The following C1QBP variants were observed in gnomAD, a reference collection of about 807,000 sequenced individuals.
The protein encoded by C1QBP is complement C1q binding protein, also known as complement component 1 Q subcomponent-binding protein, mitochondrial.
Under a neutral mutation model 29.4 loss-of-function variants are expected in C1QBP, and 24 were observed. That is an observed-to-expected ratio of 0.82 (90% CI 0.59 to 1.15). The LOEUF is 1.15. Among genes scored for constraint, C1QBP ranks in the 50% most tolerant of loss-of-function variants. C1QBP has a pLI of 0.00. For missense variants in C1QBP, 337 were observed against 355.8 expected (o/e 0.95, Z 0.43); for synonymous variants, 182 against 149.2 (o/e 1.22, Z -1.60).
chr17:5,434,925 G>A lies in C1QBP; in HGVS notation c.425C>T (p.Thr142Ile). The part of the protein sequence containing the change: ...TFNINNSIPP[T>I]FDGEEEPSQG... ...CGAGGGTTCCTCCTCACCATCAAAT[G>A]TTGGTGGGATGCTGTTGTTAATGTT... is the stretch of plus-strand genomic sequence containing the variant. Residue 142 changes from threonine (T) to isoleucine (I), a missense_variant, in exon 3 of 6, where the codon ACA becomes ATA. By Grantham distance (89) the Thr-to-Ile change is moderately conservative. Transcript: ENST00000225698. The A allele has an allele frequency of 1.2e-6, 2 of 1,614,162 alleles. No homozygotes were observed. The highest frequency in any genetic ancestry group is 8.5e-7 in the Non-Finnish European group (1 of 1,180,008).
At position 5,434,464 on chromosome 17, in the gene C1QBP, C is replaced by T. The variant is rs7206959; in HGVS notation, c.477+409G>A. The stretch of plus-strand genomic sequence containing the variant: ...CTTATGCCCCTGCCATTCTCTCTCT[C>T]TTTTTTTTTTTTTTTTTTTTTTGAG... On this transcript the variant is annotated intron_variant, in intron 3 of 5. Coordinates refer to ENST00000225698, the MANE Select transcript of C1QBP (RefSeq NM_001212.4). 5.3e-3 allele frequency among the ~76,000 whole-genome samples: 519 copies of T among 97,858 alleles called. 6 individuals are homozygous for T. Among genetic ancestry groups the T allele is most frequent in the African/African-American group, 0.018 (435 of 24,506 alleles). 64.2% of individuals were successfully genotyped at this position (97,858 alleles called of 152,430 possible).
Position 5,434,874 on chromosome 17 carries a change from T to C in C1QBP, c.476A>G (p.Glu159Gly), listed in dbSNP as rs1232142510. The C allele has an allele frequency of 1.9e-6, 3 of 1,611,176 alleles. No homozygotes were observed. The African/African-American group carries it at 4.0e-5, about 22-fold the overall frequency. ...PSQGQKVEEQ[E>G]PELTSTPNFV... Reference sequence around the variant, plus strand: ...AAGCTGATTATAGTATTAGCTTACCTCCTGTTCTTCAACCTTCTGCCCTTG... The same window carrying C: ...AAGCTGATTATAGTATTAGCTTACCCCCTGTTCTTCAACCTTCTGCCCTTG... The change falls in exon 3 of 6, where the codon GAG becomes GGG. Residue 159 changes from glutamate to glycine, a missense_variant and splice_region_variant. By Grantham distance (98) the Glu-to-Gly change is moderately conservative. Coordinates refer to ENST00000225698, the MANE Select transcript of C1QBP (RefSeq NM_001212.4).
At position 5,433,362 on chromosome 17, in the gene C1QBP, G is replaced by A. The variant is rs750470200; in HGVS notation, c.630C>T (p.Ser210=). The A allele has an allele frequency of 3.7e-6, 6 of 1,614,018 alleles. No homozygotes were observed. Among genetic ancestry groups the A allele is most frequent in the Non-Finnish European group, 5.1e-6 (6 of 1,180,042 alleles). ...ESDIFSIREV[S]FQSTGESEWK... The stretch of plus-strand genomic sequence containing the variant: ...ATTCAGACTCGCCAGTGGACTGAAA[G>A]CTAACTTCCCTGATAGAGAAGATGT... The change falls in exon 5 of 6, where the codon AGC becomes AGT. Residue 210 remains serine, a synonymous_variant. Transcript: ENST00000225698.
chr17:5,434,462 CTCTT>C (rs1392680325), intron 3 of C1QBP, among the ~76,000 whole-genome samples: 17 of 108,132 alleles, frequency 1.6e-4, no homozygotes, highest in South Asian at 8.7e-4. Flanking sequence ...CATTCTCTCT[CTCTT>C]TTTTTTTTTT....
At chr17:5,433,549 C>T (rs796428415) in intron 4 of C1QBP, 120 bp downstream of exon 4, 2 of 1,514,576 alleles carry the variant, frequency 1.3e-6, no homozygotes, top group Admixed American at 1.7e-5. Flanking sequence ...CTCTCTCCCC[C>T]TGCTGGGCTG....
intron 1 of C1QBP, 133 bp from the exon 2 acceptor site, chr17:5,438,406 G>T: frequency 8.7e-7 from 1 of 1,151,308 alleles, no homozygotes; most frequent in Non-Finnish European, 1.2e-6. Context: ...CTAGAAGCCT[G>T]TTTCCTTATC....
Position 5,433,099 on chromosome 17 carries a change from C to T in C1QBP, c.765G>A (p.Glu255=). ...CCAGGGCTGTGCTGAGCTCCACCAG[C>T]TCATCTGCAAAAGTGTTGTCCACCC... ...DRGVDNTFAD[E]LVELSTALEH... Residue 255 remains glutamate, a synonymous_variant, in exon 6 of 6, where the codon GAG becomes GAA. Coordinates refer to ENST00000225698, the MANE Select transcript of C1QBP (RefSeq NM_001212.4). 1.2e-6 allele frequency: 2 copies of T among 1,614,164 alleles called. No individual in the cohort carries two copies. Among genetic ancestry groups the T allele is most frequent in the Non-Finnish European group, 1.7e-6 (2 of 1,180,042 alleles).
rs556979926 is a variant in C1QBP at position 5,436,044 on chromosome 17, GAAAAAAA to G, written c.384-1085_384-1079del. On this transcript the variant is annotated intron_variant, in intron 2 of 5. Coordinates refer to ENST00000225698, the MANE Select transcript of C1QBP (RefSeq NM_001212.4). ...CTGGAGACACAGCAAGACTCTGTCA[GAAAAAAA>G]AAAAAAAAAAAAAGAGTACATGAAG... is the stretch of plus-strand genomic sequence containing the variant. Among the ~76,000 whole-genome samples the G allele has an allele frequency of 4.7e-5, 4 of 85,314 alleles. 1 individual carries two copies. Among genetic ancestry groups the G allele is most frequent in the African/African-American group, 2.1e-4 (4 of 19,368 alleles). The allele number at this position is 85,314 out of a possible 152,430, so 56.0% of individuals were successfully genotyped here.
chr17:5,433,307 C>G lies in C1QBP; in HGVS notation c.685G>C (p.Asp229His). 2.5e-6 allele frequency: 4 copies of G among 1,614,070 alleles called. No individual in the cohort carries two copies. Among genetic ancestry groups the G allele is most frequent in the Non-Finnish European group, 3.4e-6 (4 of 1,180,046 alleles). Residue 229 changes from aspartate to histidine, a missense_variant, in exon 5 of 6, where the codon GAT (aspartate) becomes CAT (histidine). Physicochemically the swap from Asp to His is moderately conservative, Grantham distance 81. Coordinates refer to ENST00000225698, the MANE Select transcript of C1QBP (RefSeq NM_001212.4). ...WKDTNYTLNT[D>H]SLDWALYDHL... ...CAAGCACTCACCCAGTCCAAGGAAT[C>G]TGTGTTGAGTGTATAATTAGTATCC...
chr17:5,438,895 C>T lies in C1QBP; in HGVS notation c.179G>A (p.Arg60Gln), dbSNP rs1398816914. ...AGSERRPGLLRPRGPCACGCG... is the reference protein window; with the variant it reads ...AGSERRPGLLQPRGPCACGCG... ...GCCACAGGCGCAGGGTCCGCGAGGC[C>T]GCAGGAGGCCCGGCCGCCGCTCGGA... The change falls in exon 1 of 6, where the codon CGG becomes CAG. Residue 60 changes from arginine to glutamine, a missense_variant. Transcript: ENST00000225698. 2 of 1,540,508 alleles carry T rather than the reference C, an allele frequency of 1.3e-6. No individual in the cohort carries two copies. The highest frequency in any genetic ancestry group is 2.8e-5 in the African/African-American group (2 of 71,740).
At position 5,438,937 on chromosome 17, in the gene C1QBP, A is replaced by C. The variant is rs1916348153; in HGVS notation, c.137T>G (p.Leu46Arg). The change falls in exon 1 of 6, where the codon CTC becomes CGC. Residue 46 changes from leucine (L) to arginine (R), a missense_variant. Physicochemically the swap from Leu to Arg is moderately radical, Grantham distance 102 (BLOSUM62 -2). Transcript: ENST00000225698. ...PRLCTRPFGL[L>R]SVRAGSERRP... ...CCGCTCGGAACCTGCGCGCACGCTG[A>C]GCAGCCCGAAGGGCCGGGTGCACAG... 1 of 1,529,912 alleles carries C rather than the reference A, an allele frequency of 6.5e-7. No homozygotes were observed. The highest frequency in any genetic ancestry group is 2.6e-5 in the East Asian group (1 of 38,612). 94.8% of individuals were successfully genotyped at this position (1,529,912 alleles called of 1,614,324 possible).
intron 2 of C1QBP, 42 bp from the exon 3 acceptor site, chr17:5,435,008 G>C: frequency 6.5e-7 from 1 of 1,529,754 alleles, no homozygotes; most frequent in Non-Finnish European, 9.1e-7. Context: ...AACAGACAAG[G>C]CATGGTTTTA....
intron 1 of C1QBP, 22 bp from the exon 2 acceptor site, chr17:5,438,295 A>C (rs771923422): frequency 1.2e-6 from 2 of 1,609,468 alleles, no homozygotes; most frequent in South Asian, 2.2e-5. Flanking sequence ...ATCCAGATAC[A>C]TAAAAAGGAA....
chr17:5,434,516 G>A (rs879930141), intron 3 of C1QBP: 29 of 141,686 alleles, frequency 2.0e-4, no homozygotes, highest in Non-Finnish European at 3.3e-4. Flanking sequence ...TCGCCAGGCT[G>A]GAGTGCAGTG....
At chr17:5,438,315 G>A in intron 1 of C1QBP, 42 bp from the exon 2 acceptor site, 1 of 1,601,216 alleles carries the variant, frequency 6.2e-7, no homozygotes, top group Non-Finnish European at 8.5e-7. Flanking sequence ...AAGCCAGTTA[G>A]TCTAAAACAT....
intron 3 of C1QBP, 38 bp downstream of exon 3, chr17:5,434,835 C>G (rs778064196): frequency 1.3e-6 from 2 of 1,566,520 alleles, no homozygotes; most frequent in Non-Finnish European, 1.8e-6. Flanking sequence ...CACAGCCTGT[C>G]AGAACTGAGG....
At position 5,433,401 on chromosome 17, in the gene C1QBP, GTCT is replaced by G. The variant is rs1916162116; in HGVS notation, c.588_590del (p.Glu196del). On this transcript the variant is annotated inframe_deletion, in exon 5 of 6. Transcript: ENST00000225698. The stretch of plus-strand genomic sequence containing the variant: ...TAGAGAAGATGTCACTCTCAGCCTC[GTCT>G]TCTTGTCCAACCTGAGAAGAAACAA... The G allele has an allele frequency of 6.2e-7, 1 of 1,614,036 alleles. No individual in the cohort carries two copies. Among genetic ancestry groups the G allele is most frequent in the Non-Finnish European group, 8.5e-7 (1 of 1,180,010 alleles).
intron 3 of C1QBP, 75 bp downstream of exon 3, chr17:5,434,798 A>G (rs763978257): frequency 1.7e-5 from 23 of 1,379,404 alleles, no homozygotes; most frequent in Non-Finnish European, 2.2e-5. Flanking sequence ...AAGACCAAAG[A>G]AAAACGCTCC....
chr17:5,433,624 C>T, intron 4 of C1QBP, 45 bp downstream of exon 4: 2 of 1,587,540 alleles, frequency 1.3e-6, no homozygotes, highest in Non-Finnish European at 1.7e-6. Flanking sequence ...AAGGGACACA[C>T]TGTTCCCCAG....
Sources: gnomAD v4.1 joint callset for allele counts (sites outside exome capture counted in the v4.1 genomes callset) on GRCh38, gnomAD v4.1.1 for gene constraint, MANE v1.5 for transcripts, NCBI Gene and HGNC (gene_info 2026-07-23, HGNC 2026-07-21) for gene names.